The following NETO1 variants were observed in gnomAD, a reference collection of about 807,000 sequenced individuals.
NETO1 encodes neuropilin and tolloid-like protein 1.
A neutral mutation model predicts 61.3 loss-of-function variants in NETO1; 26 were observed. That is an observed-to-expected ratio of 0.42 (90% CI 0.31 to 0.59). The LOEUF is 0.59. Among genes scored for constraint, NETO1 ranks in the 20% least tolerant of loss-of-function variants. NETO1 has a pLI of 0.12. For missense variants in NETO1, 531 were observed against 662.8 expected, an observed-to-expected ratio of 0.80 and a Z score of 2.18; for synonymous variants, 225 against 225.8, an observed-to-expected ratio of 1.00 and a Z score of 0.03.
chr18:72,846,817 TTC>T (rs1418485711), intron 4 of NETO1, among the ~76,000 whole-genome samples: 2 of 152,304 alleles, frequency 1.3e-5, no homozygotes, highest in Middle Eastern at 3.4e-3. Context: ...CCCATGGAAA[TTC>T]TCTCTGTTTT....
At chr18:72,759,872 A>C (rs2070913862) in intron 7 of NETO1, among the ~76,000 whole-genome samples, 1 of 152,198 alleles carries the variant, frequency 6.6e-6, no homozygotes, top group African/African-American at 2.4e-5. Context: ...ATTTGTAATA[A>C]AGTGGCAGCC....
At chr18:72,845,892 T>A (rs2074066478) in intron 4 of NETO1, among the ~76,000 whole-genome samples, 1 of 152,164 alleles carries the variant, frequency 6.6e-6, no homozygotes, top group Non-Finnish European at 1.5e-5. Flanking sequence ...AATATATACA[T>A]TGTTGTTAGA....
chr18:72,824,710 CA>C (rs10694713), intron 4 of NETO1, among the ~76,000 whole-genome samples: 5 of 144,552 alleles, frequency 3.5e-5, no homozygotes, highest in South Asian at 2.2e-4. Flanking sequence ...ACTTAAAATA[CA>C]AAAAAAAAAC....
chr18:72,777,459 A>T (rs987240633), intron 7 of NETO1, among the ~76,000 whole-genome samples: 2 of 137,608 alleles, frequency 1.5e-5, no homozygotes, highest in African/African-American at 5.5e-5. Flanking sequence ...AAAACAAAAA[A>T]GGCCGGGCGC....
At chr18:72,796,478 G>T (rs879553499) in intron 4 of NETO1, among the ~76,000 whole-genome samples, 5 of 152,102 alleles carry the variant, frequency 3.3e-5, no homozygotes, top group Admixed American at 2.0e-4. Flanking sequence ...TTTTAAAATA[G>T]ATTTTTTTTG....
At chr18:72,795,760 A>G (rs955455105) in intron 4 of NETO1, among the ~76,000 whole-genome samples, 11 of 152,226 alleles carry the variant, frequency 7.2e-5, no homozygotes, top group Non-Finnish European at 1.0e-4. Context: ...TAGTGAGAAC[A>G]CTTAAAATCT....
At chr18:72,789,163 A>G (rs1568201344) in intron 6 of NETO1, among the ~76,000 whole-genome samples, 1 of 151,850 alleles carries the variant, frequency 6.6e-6, no homozygotes, top group African/African-American at 2.4e-5. Flanking sequence ...TTATTTTTGG[A>G]GAAGGAACCA....
At position 72,865,959 on chromosome 18, in the gene NETO1, A is replaced by T. The variant is rs1284847854; in HGVS notation, c.29-718T>A. The stretch of plus-strand genomic sequence containing the variant: ...TTTGAGAAACGTGATTTCCGAAAGC[A>T]TTATATTGGGTCAGGTTTCCAGTGT... On this transcript the variant is annotated intron_variant, in intron 1 of 10. Coordinates refer to ENST00000327305, the MANE Select transcript of NETO1 (RefSeq NM_138966.5). 3.2e-4 allele frequency among the ~76,000 whole-genome samples: 49 copies of T among 152,244 alleles called. 1 individual carries two copies. The highest frequency in any genetic ancestry group is 3.2e-3 in the Admixed American group (49 of 15,284).
At chr18:72,838,692 T>C (rs964113079) in intron 4 of NETO1, among the ~76,000 whole-genome samples, 10 of 152,218 alleles carry the variant, frequency 6.6e-5, no homozygotes, top group Admixed American at 4.6e-4. Context: ...GTGCTACTGG[T>C]TCTCTTAGAG....
chr18:72,846,116 A>T (rs1211186743), intron 4 of NETO1, among the ~76,000 whole-genome samples: 1 of 151,906 alleles, frequency 6.6e-6, no homozygotes, highest in African/African-American at 2.4e-5. Context: ...AAAAATAAAG[A>T]TTGGGGCTGA....
chr18:72,841,649 G>C (rs1426807759), intron 4 of NETO1, among the ~76,000 whole-genome samples: 3 of 143,258 alleles, frequency 2.1e-5, no homozygotes, highest in African/African-American at 7.6e-5. Flanking sequence ...CAAGAGAATT[G>C]CTTGAGCCCT....
intron 4 of NETO1, among the ~76,000 whole-genome samples, chr18:72,825,940 T>C (rs1197378033): frequency 6.6e-6 from 1 of 152,208 alleles, no homozygotes; most frequent in East Asian, 1.9e-4. Flanking sequence ...TGGTGAAATA[T>C]TGCATATAAT....
Position 72,756,110 on chromosome 18 carries a change from G to C in NETO1, c.906C>G (p.Asn302Lys). 1 of 1,608,236 alleles carries C rather than the reference G, an allele frequency of 6.2e-7. No homozygotes were observed. The change falls in exon 8 of 11, where the codon AAC becomes AAG. Residue 302 changes from asparagine (N) to lysine (K), a missense_variant. Coordinates refer to ENST00000327305, the MANE Select transcript of NETO1 (RefSeq NM_138966.5). Reference protein sequence around the residue: ...CEGNTFFCHSNMCINNTLVCN... With the variant: ...CEGNTFFCHSKMCINNTLVCN... ...AGACCAAAGTATTATTAATACACAT[G>C]TTACTATGGCAGAAGAATGTGTTGC... is the stretch of plus-strand genomic sequence containing the variant.
chr18:72,824,789 G>A (rs1272512747), intron 4 of NETO1, among the ~76,000 whole-genome samples: 1 of 151,984 alleles, frequency 6.6e-6, no homozygotes, highest in Non-Finnish European at 1.5e-5. Flanking sequence ...TAAGGCACCA[G>A]AATCACTTGA....
chr18:72,749,709 T>C (rs7505664), intron 9 of NETO1, among the ~76,000 whole-genome samples: 20,238 of 152,106 alleles, frequency 0.13, 1,564 homozygotes, highest in Middle Eastern at 0.19. Flanking sequence ...TATATAAATA[T>C]TGATGGGAGC....
At chr18:72,834,293 A>T in intron 4 of NETO1, 5 of 844,836 alleles carry the variant, frequency 5.9e-6, no homozygotes, top group Non-Finnish European at 7.1e-6. Context: ...TAACAGAAAA[A>T]ATTTCATAAA....
chr18:72,786,296 AT>A (rs1290968083), intron 6 of NETO1, among the ~76,000 whole-genome samples: 1 of 152,240 alleles, frequency 6.6e-6, no homozygotes, highest in Non-Finnish European at 1.5e-5. Flanking sequence ...ACAAGACGAA[AT>A]GTTGCAGACT....
chr18:72,801,942 A>T (rs2072521123), intron 4 of NETO1, among the ~76,000 whole-genome samples: 1 of 152,174 alleles, frequency 6.6e-6, no homozygotes, highest in African/African-American at 2.4e-5. Flanking sequence ...CTAAATTATG[A>T]AAAAAGATGA....
At chr18:72,749,519 C>T (rs926670132) in intron 9 of NETO1, among the ~76,000 whole-genome samples, 11 of 152,116 alleles carry the variant, frequency 7.2e-5, no homozygotes, top group African/African-American at 2.6e-4. Context: ...CTATACTATC[C>T]TATGCAATTC....
Sources: gnomAD v4.1 joint callset for allele counts (sites outside exome capture counted in the v4.1 genomes callset) on GRCh38, gnomAD v4.1.1 for gene constraint, MANE v1.5 for transcripts, NCBI Gene and HGNC (gene_info 2026-07-23, HGNC 2026-07-21) for gene names.